The following PDE8B variants were observed in gnomAD, a reference collection of about 807,000 sequenced individuals.
PDE8B encodes the protein phosphodiesterase 8B.
PDE8B carries 26 observed loss-of-function variants against 101.3 expected under a neutral mutation model. That is an observed-to-expected ratio of 0.26 (90% confidence interval 0.19 to 0.36). The LOEUF (loss-of-function observed/expected upper bound fraction) is 0.36, where lower values mean the gene tolerates loss of function less well. Ranked by LOEUF, PDE8B falls within the 10% of genes least tolerant of loss-of-function variation. The pLI is 1.00. For missense variants in PDE8B, 810 were observed against 1,163.1 expected (o/e 0.70, Z 4.42); for synonymous variants, 424 against 429.3 (o/e 0.99, Z 0.15).
the PDE8B span, among the ~76,000 whole-genome samples, chr5:77,101,619 C>T: frequency 9.2e-5 from 14 of 152,008 alleles, no homozygotes; most frequent in Middle Eastern, 6.8e-3. Context: ...GCATCTGACA[C>T]GTTGTTTCTT....
chr5:77,407,213 A>G (rs1793646245), intron 12 of PDE8B, among the ~76,000 whole-genome samples, 168 bp from the exon 13 acceptor site: 1 of 152,154 alleles, frequency 6.6e-6, no homozygotes, highest in South Asian at 2.1e-4. Context: ...TCAGGCAAGT[A>G]GCAGTTGGGC....
At chr5:77,177,792 G>C in the PDE8B span, among the ~76,000 whole-genome samples, 5 of 152,200 alleles carry the variant, frequency 3.3e-5, no homozygotes, top group Non-Finnish European at 7.3e-5. Context: ...ACTAGACAAA[G>C]GGACGATTCA....
chr5:77,187,751 T>C, the PDE8B span, among the ~76,000 whole-genome samples: 1 of 152,248 alleles, frequency 6.6e-6, no homozygotes, highest in African/African-American at 2.4e-5. Flanking sequence ...GCCTTGGTTT[T>C]CATCTTCGAA....
At chr5:77,326,249 G>A (rs560390126) in intron 3 of PDE8B, among the ~76,000 whole-genome samples, 2 of 152,148 alleles carry the variant, frequency 1.3e-5, no homozygotes, top group African/African-American at 4.8e-5. Context: ...CTTGTTTATA[G>A]AAATGCTTGC....
chr5:77,360,498 G>A (rs1204362406), intron 10 of PDE8B, among the ~76,000 whole-genome samples: 1 of 152,190 alleles, frequency 6.6e-6, no homozygotes, highest in Non-Finnish European at 1.5e-5. Flanking sequence ...TGACTTTTCA[G>A]AAGGAATTAT....
chr5:77,254,909 CT>C (rs1758796471), intron 1 of PDE8B, among the ~76,000 whole-genome samples: 1 of 152,118 alleles, frequency 6.6e-6, no homozygotes, highest in African/African-American at 2.4e-5. Flanking sequence ...TAAATGGAAC[CT>C]TTTGGGGAGA....
intron 1 of PDE8B, among the ~76,000 whole-genome samples, chr5:77,259,363 A>G (rs950467802): frequency 1.3e-5 from 2 of 151,978 alleles, no homozygotes; most frequent in African/African-American, 4.8e-5. Context: ...TTCTCTCGCT[A>G]TCTTCTTGCC....
chr5:77,135,913 T>A, the PDE8B span, among the ~76,000 whole-genome samples: 94 of 152,244 alleles, frequency 6.2e-4, no homozygotes, highest in Non-Finnish European at 1.1e-3. Flanking sequence ...ATTGGCAAAT[T>A]TGAGGTGCCT....
chr5:77,258,684 CA>C (rs2149680569), intron 1 of PDE8B, among the ~76,000 whole-genome samples: 1 of 152,286 alleles, frequency 6.6e-6, no homozygotes, highest in South Asian at 2.1e-4. Flanking sequence ...AGGGATCTAT[CA>C]CAGCTTTTGA....
intron 10 of PDE8B, among the ~76,000 whole-genome samples, chr5:77,380,764 T>C (rs1284209312): frequency 6.6e-6 from 1 of 152,230 alleles, no homozygotes; most frequent in Non-Finnish European, 1.5e-5. Context: ...AAATAAGTAC[T>C]GATTTATGAA....
At chr5:77,237,073 CT>C (rs1239984935) in intron 1 of PDE8B, among the ~76,000 whole-genome samples, 3 of 152,032 alleles carry the variant, frequency 2.0e-5, no homozygotes, top group African/African-American at 7.2e-5. Flanking sequence ...CTAAAGTTTA[CT>C]TAGACAGATA....
At chr5:77,307,315 C>G (rs565188779) in intron 1 of PDE8B, among the ~76,000 whole-genome samples, 2 of 152,270 alleles carry the variant, frequency 1.3e-5, no homozygotes, top group Admixed American at 1.3e-4. Context: ...TGAAGCCTTC[C>G]TTGATCTCCC....
chr5:77,112,057 G>C, the PDE8B span: 1 of 152,026 alleles, frequency 6.6e-6, no homozygotes, highest in Non-Finnish European at 1.5e-5. Flanking sequence ...ATTTCAACAT[G>C]CTATCAATAT....
intron 1 of PDE8B, among the ~76,000 whole-genome samples, chr5:77,265,230 C>T (rs895269970): frequency 2.6e-5 from 4 of 152,182 alleles, no homozygotes; most frequent in African/African-American, 9.6e-5. Flanking sequence ...CAAGACATCA[C>T]AGACAATCAG....
chr5:77,356,170 A>G (rs1349978791), intron 10 of PDE8B, among the ~76,000 whole-genome samples: 1 of 151,826 alleles, frequency 6.6e-6, no homozygotes, highest in South Asian at 2.1e-4. Context: ...CCCTTCATAC[A>G]CTTCTTTGGG....
At chr5:77,240,949 C>T (rs533655736) in intron 1 of PDE8B, among the ~76,000 whole-genome samples, 1 of 152,212 alleles carries the variant, frequency 6.6e-6, no homozygotes, top group African/African-American at 2.4e-5. Flanking sequence ...ACAAAACTTC[C>T]TAGGAAGTGA....
chr5:77,411,049 T>C (rs566520384), intron 14 of PDE8B: 4 of 153,052 alleles, frequency 2.6e-5, no homozygotes, highest in African/African-American at 9.6e-5. Context: ...AGCCAGGATA[T>C]GGCCAAGCAT....
At chr5:77,275,885 C>G (rs1159142250) in intron 1 of PDE8B, among the ~76,000 whole-genome samples, 1 of 152,140 alleles carries the variant, frequency 6.6e-6, no homozygotes, top group East Asian at 1.9e-4. Context: ...ACAGACACAC[C>G]AAAGGGTACT....
chr5:77,262,848 G>A (rs1342205192), intron 1 of PDE8B, among the ~76,000 whole-genome samples: 2 of 152,324 alleles, frequency 1.3e-5, no homozygotes, highest in African/African-American at 2.4e-5. Flanking sequence ...GTTTAGGACT[G>A]GGAGCCTGCT....
Sources: allele counts gnomAD v4.1 joint callset (sites outside exome capture counted in the v4.1 genomes callset), GRCh38; gene constraint gnomAD v4.1.1; transcripts MANE v1.5; gene names NCBI Gene and HGNC (gene_info 2026-07-23, HGNC 2026-07-21).